The following PXDNL variants were observed in gnomAD, a reference collection of about 807,000 sequenced individuals.
PXDNL encodes probable oxidoreductase PXDNL.
In PXDNL, 145 loss-of-function variants were observed where a neutral mutation model predicts 150.8. The ratio of observed to expected loss-of-function variants is 0.96; its 90% confidence interval spans 0.84 to 1.10. The LOEUF (loss-of-function observed/expected upper bound fraction) is 1.10, where lower values mean the gene tolerates loss of function less well. PXDNL is among the 50% of genes least tolerant of loss of function. The pLI, the probability that PXDNL is intolerant of heterozygous loss-of-function variation, is 0.00. For synonymous variants in PXDNL, 757 were observed against 725.7 expected, an observed-to-expected ratio of 1.04 and a Z score of -0.69; for missense variants, 2,087 against 1,873.9, an observed-to-expected ratio of 1.11 and a Z score of -2.10.
chr8:51,696,030 C>T (rs1816115997), intron 1 of PXDNL, among the ~76,000 whole-genome samples: 8 of 152,166 alleles, frequency 5.3e-5, no homozygotes, highest in Admixed American at 5.2e-4. Flanking sequence ...AAATTCAGGC[C>T]TGACATTGTC....
At chr8:51,543,918 T>C (rs1016586247) in intron 4 of PXDNL, among the ~76,000 whole-genome samples, 3 of 152,006 alleles carry the variant, frequency 2.0e-5, no homozygotes, top group Non-Finnish European at 2.9e-5. Flanking sequence ...GTCAGCTCTA[T>C]CAGTGAAATA....
chr8:51,553,743 TATA>T (rs1208735982), intron 4 of PXDNL, among the ~76,000 whole-genome samples: 12 of 92,496 alleles, frequency 1.3e-4, no homozygotes, highest in African/African-American at 8.5e-4. Context: ...AGGGATTTTA[TATA>T]TATATATATA....
chr8:51,749,139 T>G (rs1427332095), intron 1 of PXDNL, among the ~76,000 whole-genome samples: 1 of 152,244 alleles, frequency 6.6e-6, no homozygotes, highest in East Asian at 1.9e-4. Context: ...TCATTGATAC[T>G]AATTATGTAG....
intron 19 of PXDNL, among the ~76,000 whole-genome samples, chr8:51,355,767 T>C (rs1806487139): frequency 6.6e-6 from 1 of 152,242 alleles, no homozygotes. Flanking sequence ...TATTATTTAA[T>C]TGCATCTGTA....
At chr8:51,497,065 T>A (rs1290148502) in intron 5 of PXDNL, among the ~76,000 whole-genome samples, 1 of 152,150 alleles carries the variant, frequency 6.6e-6, no homozygotes, top group Non-Finnish European at 1.5e-5. Context: ...CAAAACAGCA[T>A]GGTACTGGCA....
At chr8:51,593,188 T>C (rs1446623852) in intron 2 of PXDNL, among the ~76,000 whole-genome samples, 2 of 152,122 alleles carry the variant, frequency 1.3e-5, no homozygotes, top group East Asian at 1.9e-4. Flanking sequence ...GCTCTTATTA[T>C]AGTAGTATCC....
At chr8:51,605,661 G>A (rs1017723927) in intron 2 of PXDNL, among the ~76,000 whole-genome samples, 1 of 152,200 alleles carries the variant, frequency 6.6e-6, no homozygotes, top group Non-Finnish European at 1.5e-5. Flanking sequence ...ATAGTTAGAT[G>A]TTGTTGGATT....
intron 1 of PXDNL, among the ~76,000 whole-genome samples, chr8:51,730,954 AAATTATGAGAGCTAC>A (rs1816905964): frequency 1.3e-5 from 2 of 152,152 alleles, no homozygotes; most frequent in African/African-American, 2.4e-5. Flanking sequence ...TGACATGTGG[AAATTATGAGAGCTAC>A]AATTCAAGAT....
intron 2 of PXDNL, among the ~76,000 whole-genome samples, chr8:51,618,440 A>C (rs965466534): frequency 3.3e-5 from 5 of 152,152 alleles, no homozygotes; most frequent in African/African-American, 7.2e-5. Flanking sequence ...TGCTATAATA[A>C]TCCTCCAGTA....
At chr8:51,656,974 T>C (rs931002486) in intron 1 of PXDNL, among the ~76,000 whole-genome samples, 3 of 133,022 alleles carry the variant, frequency 2.3e-5, no homozygotes, top group African/African-American at 4.9e-5. Flanking sequence ...CACATGCAGA[T>C]ACTCCTTGAC....
At chr8:51,413,095 CTAAG>C in intron 15 of PXDNL, 51 bp downstream of exon 15, 1 of 1,106,434 alleles carries the variant, frequency 9.0e-7, no homozygotes, top group Non-Finnish European at 1.4e-6. Flanking sequence ...ATGATAAAAA[CTAAG>C]TAGAACAGAA....
At chr8:51,806,713 T>C (rs2037679752) in intron 1 of PXDNL, among the ~76,000 whole-genome samples, 1 of 152,244 alleles carries the variant, frequency 6.6e-6, no homozygotes, top group African/African-American at 2.4e-5. Flanking sequence ...GCTGCTAATA[T>C]TGAAAAGCTA....
chr8:51,331,300 G>A (rs913179692), intron 21 of PXDNL, among the ~76,000 whole-genome samples: 1 of 152,202 alleles, frequency 6.6e-6, no homozygotes, highest in African/African-American at 2.4e-5. Context: ...AAATACAGGG[G>A]TGGAGGAGGC....
intron 2 of PXDNL, among the ~76,000 whole-genome samples, chr8:51,648,322 T>C (rs1053062655): frequency 6.6e-6 from 1 of 152,198 alleles, no homozygotes; most frequent in African/African-American, 2.4e-5. Flanking sequence ...AATGGGATTA[T>C]TCAGAGTGGG....
intron 16 of PXDNL, 26 bp from the exon 17 acceptor site, chr8:51,409,587 G>A: frequency 6.6e-7 from 1 of 1,523,680 alleles, no homozygotes; most frequent in South Asian, 1.3e-5. Flanking sequence ...CGAAAGCCGT[G>A]AGGAGGGCGG....
At chr8:51,723,504 AC>A (rs1256659546) in intron 1 of PXDNL, among the ~76,000 whole-genome samples, 1 of 152,150 alleles carries the variant, frequency 6.6e-6, no homozygotes, top group African/African-American at 2.4e-5. Flanking sequence ...CAACCCAACT[AC>A]CCTAGTCCAG....
intron 21 of PXDNL, among the ~76,000 whole-genome samples, chr8:51,330,888 C>T (rs914719795): frequency 6.6e-6 from 1 of 152,124 alleles, no homozygotes; most frequent in Non-Finnish European, 1.5e-5. Flanking sequence ...AGAGAAAATT[C>T]CTCTCAATCT....
chr8:51,413,325 A>T, intron 14 of PXDNL, 67 bp from the exon 15 acceptor site: 2 of 863,706 alleles, frequency 2.3e-6, no homozygotes, highest in South Asian at 2.9e-5. Context: ...ATATTATATG[A>T]ATGGCATTAC....
At chr8:51,640,080 G>A (rs942355772) in intron 2 of PXDNL, among the ~76,000 whole-genome samples, 1 of 152,092 alleles carries the variant, frequency 6.6e-6, no homozygotes, top group Admixed American at 6.6e-5. Context: ...ATCCAGCATA[G>A]AAACAGAACC....
Sources: gnomAD v4.1 joint callset for allele counts (sites outside exome capture counted in the v4.1 genomes callset) on GRCh38, gnomAD v4.1.1 for gene constraint, MANE v1.5 for transcripts, NCBI Gene and HGNC (gene_info 2026-07-23, HGNC 2026-07-21) for gene names.